Variants in NVL observed in about 807,000 individuals in gnomAD.
NVL encodes the protein nuclear valosin-containing protein-like.
Under a neutral mutation model 110.2 loss-of-function variants are expected in NVL, and 84 were observed. The ratio of observed to expected loss-of-function variants is 0.76; its 90% CI spans 0.64 to 0.91. The LOEUF (loss-of-function observed/expected upper bound fraction) is 0.91. Among genes scored for constraint, NVL ranks in the 40% least tolerant of loss-of-function variants. NVL has a pLI of 0.00. For missense variants in NVL, 882 were observed against 1,035.9 expected, an observed-to-expected ratio of 0.85 and a Z score of 2.04; for synonymous variants, 354 against 361.1, an observed-to-expected ratio of 0.98 and a Z score of 0.22.
chr1:224,310,096 A>G (rs1669354618), intron 5 of NVL, among the ~76,000 whole-genome samples: 1 of 150,270 alleles, frequency 6.7e-6, no homozygotes, highest in South Asian at 2.1e-4. Flanking sequence ...GGCTGCAGTG[A>G]GCCGAGATCG....
At chr1:224,329,260 T>C (rs961216687) in intron 1 of NVL, among the ~76,000 whole-genome samples, 1 of 151,964 alleles carries the variant, frequency 6.6e-6, no homozygotes, top group African/African-American at 2.4e-5. Flanking sequence ...ACATAGATAA[T>C]AGAGTATGTA....
Position 224,326,439 on chromosome 1 carries a change from T to G in NVL, c.83A>C (p.Lys28Thr), listed in dbSNP as rs781068530. Residue 28 changes from lysine (K) to threonine (T), a missense_variant, in exon 2 of 23, where the codon AAA becomes ACA. Around this residue, in one of 4 missense-constraint regions of NVL, gnomAD observed 274 missense variants for 268.4 expected, o/e 1.02. Coordinates refer to ENST00000281701, the MANE Select transcript of NVL (RefSeq NM_002533.4). Reference sequence around the variant, plus strand: ...CGCTAAGACTCCAATGTCCACATATTTGCCACATTTGTTACTGGTAAGGTA... The same window carrying G: ...CGCTAAGACTCCAATGTCCACATATGTGCCACATTTGTTACTGGTAAGGTA... ...IQYLTSNKCG[K>T]YVDIGVLASD... The G allele has an allele frequency of 6.2e-7, 1 of 1,612,462 alleles. No individual in the cohort carries two copies. The highest frequency in any genetic ancestry group is 1.1e-5 in the South Asian group (1 of 90,894).
intron 9 of NVL, among the ~76,000 whole-genome samples, 177 bp from the exon 10 acceptor site, chr1:224,300,840 C>T (rs183876770): frequency 6.6e-6 from 1 of 152,258 alleles, no homozygotes; most frequent in African/African-American, 2.4e-5. Context: ...CATGGTGGCT[C>T]AGGCCTATAA....
chr1:224,318,780 G>T (rs906117298), intron 2 of NVL, among the ~76,000 whole-genome samples: 14 of 151,208 alleles, frequency 9.3e-5, no homozygotes, highest in African/African-American at 3.4e-4. Flanking sequence ...TCAGGAGATT[G>T]AGACCAGCCT....
intron 18 of NVL, among the ~76,000 whole-genome samples, chr1:224,261,223 C>T (rs188971957): frequency 1.3e-5 from 2 of 151,986 alleles, no homozygotes; most frequent in East Asian, 3.9e-4. Flanking sequence ...CCAGGCTAAT[C>T]TTGAACTCCT....
intron 17 of NVL, among the ~76,000 whole-genome samples, chr1:224,272,763 G>A (rs971491524): frequency 2.7e-5 from 4 of 149,808 alleles, no homozygotes; most frequent in Non-Finnish European, 4.4e-5. Context: ...GGCCGTGCGC[G>A]GTGGCTCATG....
intron 18 of NVL, among the ~76,000 whole-genome samples, chr1:224,256,716 A>C (rs1401818783): frequency 6.6e-6 from 1 of 152,194 alleles, no homozygotes; most frequent in Non-Finnish European, 1.5e-5. Context: ...GATTCTATGT[A>C]TTACATCATT....
At chr1:224,291,137 T>C (rs1345652095) in intron 12 of NVL, among the ~76,000 whole-genome samples, 1 of 152,256 alleles carries the variant, frequency 6.6e-6, no homozygotes, top group Non-Finnish European at 1.5e-5. Context: ...CAGAGGGCTG[T>C]TGCTACAAAT....
intron 22 of NVL, among the ~76,000 whole-genome samples, chr1:224,228,217 G>T (rs1335496173): frequency 6.6e-6 from 1 of 152,108 alleles, no homozygotes; most frequent in Non-Finnish European, 1.5e-5. Context: ...AAAAAATCAG[G>T]TCAAGAGTCT....
intron 5 of NVL, among the ~76,000 whole-genome samples, chr1:224,309,311 G>C (rs916520075): frequency 1.3e-5 from 2 of 152,070 alleles, no homozygotes; most frequent in Non-Finnish European, 2.9e-5. Flanking sequence ...TTGAGGCCTA[G>C]AGTTCGAGAC....
At chr1:224,280,688 A>T (rs1479761177) in intron 16 of NVL, among the ~76,000 whole-genome samples, 1 of 152,226 alleles carries the variant, frequency 6.6e-6, no homozygotes, top group Non-Finnish European at 1.5e-5. Flanking sequence ...TACTTTTCAC[A>T]GAGAGGGACA....
chr1:224,283,295 G>C (rs1275236287), intron 15 of NVL, among the ~76,000 whole-genome samples: 1 of 152,094 alleles, frequency 6.6e-6, no homozygotes, highest in Non-Finnish European at 1.5e-5. Flanking sequence ...AGACCATCCT[G>C]GCTAATGCGG....
chr1:224,306,762 G>T (rs1302613731), intron 6 of NVL, among the ~76,000 whole-genome samples: 1 of 152,116 alleles, frequency 6.6e-6, no homozygotes, highest in Non-Finnish European at 1.5e-5. Context: ...ATGCCCAGGG[G>T]GTGGAGGTTA....
chr1:224,228,471 A>G (rs1377654575), intron 22 of NVL, among the ~76,000 whole-genome samples: 1 of 150,872 alleles, frequency 6.6e-6, no homozygotes, highest in Non-Finnish European at 1.5e-5. Context: ...CGCCCGGCAA[A>G]TTTTTTGCAT....
At chr1:224,300,103 C>T (rs561671965) in intron 10 of NVL, among the ~76,000 whole-genome samples, 6 of 152,140 alleles carry the variant, frequency 3.9e-5, no homozygotes, top group Non-Finnish European at 5.9e-5. Flanking sequence ...TCAATAGCCA[C>T]GTGAGATTTG....
At chr1:224,289,100 G>A (rs983848522) in intron 13 of NVL, 2 of 180,574 alleles carry the variant, frequency 1.1e-5, no homozygotes, top group African/African-American at 4.8e-5. Flanking sequence ...GTGGGCCACG[G>A]TCTCTGCTGC....
At chr1:224,237,402 G>T (rs529723737) in intron 19 of NVL, among the ~76,000 whole-genome samples, 1 of 152,166 alleles carries the variant, frequency 6.6e-6, no homozygotes, top group East Asian at 1.9e-4. Context: ...TTCCCCTTCA[G>T]CTCATTTCAA....
At chr1:224,303,005 C>T (rs1179918542) in intron 9 of NVL, 5 of 222,344 alleles carry the variant, frequency 2.2e-5, no homozygotes, top group Admixed American at 5.8e-5. Context: ...GCCATGATTG[C>T]ACCATTGCAC....
chr1:224,282,930 T>C (rs1666511939), intron 15 of NVL, among the ~76,000 whole-genome samples: 1 of 152,244 alleles, frequency 6.6e-6, no homozygotes, highest in South Asian at 2.1e-4. Flanking sequence ...TCTAGGTTTC[T>C]AGGTTCTGAC....
Sources: allele counts gnomAD v4.1 joint callset (sites outside exome capture counted in the v4.1 genomes callset), GRCh38; gene constraint gnomAD v4.1.1; regional missense constraint gnomAD v4.1.1; transcripts MANE v1.5; gene names NCBI Gene and HGNC (gene_info 2026-07-23, HGNC 2026-07-21).